The following IL12RB2 variants were observed in gnomAD, a reference collection of about 807,000 sequenced individuals.
IL12RB2 encodes the protein interleukin 12 receptor subunit beta 2, also known as interleukin-12 receptor subunit beta-2.
IL12RB2 carries 82 observed loss-of-function variants against 89.4 expected under a neutral mutation model. The observed-to-expected ratio is 0.92, with a 90% CI of 0.77 to 1.10. The LOEUF (loss-of-function observed/expected upper bound fraction) is 1.10. Among genes scored for constraint, IL12RB2 ranks in the 50% least tolerant of loss-of-function variants. IL12RB2 has a pLI of 0.00. For missense variants in IL12RB2, 963 were observed against 1,031.9 expected (o/e 0.93, Z 0.92); for synonymous variants, 368 against 370.1 (o/e 0.99, Z 0.07).
chr1:67,361,172 A>G (rs964840265), intron 10 of IL12RB2, among the ~76,000 whole-genome samples: 3 of 152,132 alleles, frequency 2.0e-5, no homozygotes, highest in African/African-American at 7.2e-5. Context: ...CCTTTCTACC[A>G]CATTACTAAA....
Position 67,330,788 on chromosome 1 carries a change from G to C in IL12RB2, c.936G>C (p.Leu312Phe). The change falls in exon 8 of 17, where the codon TTG becomes TTC. Residue 312 changes from leucine to phenylalanine, a missense_variant. By Grantham distance (22) the Leu-to-Phe change is conservative. Transcript: ENST00000674203. ...KGSWSDWSES[L>F]RAQTPEEEPT... is the part of the protein sequence containing the mutation. Reference sequence around the variant, plus strand: ...GTTGGAGTGATTGGAGTGAATCATTGAGAGCACAAACACCAGAAGAAGGTA... The same window carrying C: ...GTTGGAGTGATTGGAGTGAATCATTCAGAGCACAAACACCAGAAGAAGGTA... The C allele has an allele frequency of 6.3e-7, 1 of 1,577,988 alleles. No homozygotes were observed.
chr1:67,318,856 A>G (rs900435299), intron 2 of IL12RB2, among the ~76,000 whole-genome samples: 11 of 152,122 alleles, frequency 7.2e-5, no homozygotes, highest in Non-Finnish European at 1.3e-4. Context: ...CTAGGGGACC[A>G]GGTGAAATCC....
At chr1:67,362,335 G>A (rs1334147928) in intron 10 of IL12RB2, among the ~76,000 whole-genome samples, 2 of 151,178 alleles carry the variant, frequency 1.3e-5, no homozygotes, top group Non-Finnish European at 2.9e-5. Context: ...GGGAGGCCGA[G>A]GCGGGTGGAT....
intron 8 of IL12RB2, among the ~76,000 whole-genome samples, chr1:67,334,930 T>G (rs1453385350): frequency 1.3e-5 from 2 of 152,216 alleles, no homozygotes; most frequent in African/African-American, 4.8e-5. Flanking sequence ...TGTGTCTTTT[T>G]GCTTGAGGCT....
chr1:67,316,140 C>T (rs1655727862), intron 2 of IL12RB2, among the ~76,000 whole-genome samples: 1 of 152,080 alleles, frequency 6.6e-6, no homozygotes, highest in Non-Finnish European at 1.5e-5. Flanking sequence ...GGCCTCTGCC[C>T]CTGAGGAGCT....
rs187860228 is a variant in IL12RB2, at chr1:67,328,710, G to A, written c.664+326G>A. Reference sequence around the variant, plus strand: ...TGTGAGGTCATTCAAGATGCTCAGTGCAAGCCCTTCTTGGAGGAGGTGTCC... The same window carrying A: ...TGTGAGGTCATTCAAGATGCTCAGTACAAGCCCTTCTTGGAGGAGGTGTCC... On this transcript the variant is annotated intron_variant, in intron 6 of 16. Transcript: ENST00000674203. Among the ~76,000 whole-genome samples the A allele has an allele frequency of 5.9e-5, 9 of 152,328 alleles. No homozygotes were observed. The East Asian group carries it at 1.5e-3, about 26-fold the overall frequency.
At chr1:67,391,777 C>T (rs972790500) in intron 16 of IL12RB2, among the ~76,000 whole-genome samples, 5 of 151,910 alleles carry the variant, frequency 3.3e-5, no homozygotes, top group Admixed American at 6.6e-5. Flanking sequence ...GCTAGGACTA[C>T]AGGCGCCCGC....
chr1:67,353,897 T>C (rs1661098662), intron 10 of IL12RB2, among the ~76,000 whole-genome samples: 1 of 152,246 alleles, frequency 6.6e-6, no homozygotes, highest in Non-Finnish European at 1.5e-5. Context: ...ATGGTCCCAT[T>C]CCAGGTTCCT....
In IL12RB2 at chr1:67,329,701, G is replaced by A. The variant is rs771299847; in HGVS notation, c.779G>A (p.Arg260Gln). 1.4e-5 allele frequency: 22 copies of A among 1,607,368 alleles called. No homozygotes were observed. The highest frequency in any genetic ancestry group is 1.5e-5 in the Non-Finnish European group (18 of 1,174,020). Residue 260 changes from arginine (R) to glutamine (Q), a missense_variant, in exon 7 of 17, where the codon CGG (arginine) becomes CAG (glutamine). Arg to Gln is a conservative substitution (Grantham distance 43). Coordinates refer to ENST00000674203, the MANE Select transcript of IL12RB2 (RefSeq NM_001374259.2). Reference sequence around the variant, plus strand: ...GTACTGCTTAATCGACTCAGATATCGGCCCAGTAACAGCAGGCTCTGGAAT... The same window carrying A: ...GTACTGCTTAATCGACTCAGATATCAGCCCAGTAACAGCAGGCTCTGGAAT... The part of the protein sequence containing the change: ...GLVLLNRLRY[R>Q]PSNSRLWNMV...
At position 67,341,294 on chromosome 1, in the gene IL12RB2, C is replaced by T. The variant is rs565846203; in HGVS notation, c.1038+2591C>T. 2.6e-4 allele frequency among the ~76,000 whole-genome samples: 40 copies of T among 152,166 alleles called. No homozygotes were observed. The South Asian group carries it at 8.3e-3, about 32-fold the overall frequency. On this transcript the variant is annotated intron_variant, in intron 9 of 16. Coordinates refer to ENST00000674203, the MANE Select transcript of IL12RB2 (RefSeq NM_001374259.2). Reference sequence around the variant, plus strand: ...ATCAGCTGGGTGTGGTGATGCCCACCTGTAATCTCAGCTACTTGGGAGACT... The same window carrying T: ...ATCAGCTGGGTGTGGTGATGCCCACTTGTAATCTCAGCTACTTGGGAGACT...
intron 10 of IL12RB2, among the ~76,000 whole-genome samples, chr1:67,361,157 C>T (rs528968663): frequency 2.4e-4 from 36 of 152,190 alleles, no homozygotes; most frequent in African/African-American, 7.5e-4. Flanking sequence ...TTCTTTCCCC[C>T]GACACCTTTC....
At chr1:67,347,064 T>C (rs1569949038) in intron 9 of IL12RB2, among the ~76,000 whole-genome samples, 1 of 152,196 alleles carries the variant, frequency 6.6e-6, no homozygotes, top group South Asian at 2.1e-4. Context: ...AGTATCCTTA[T>C]TTTATAAATA....
chr1:67,391,245 T>C (rs1158332163), intron 16 of IL12RB2, among the ~76,000 whole-genome samples: 2 of 152,000 alleles, frequency 1.3e-5, no homozygotes, highest in African/African-American at 2.4e-5. Context: ...ACATGGGTCA[T>C]ATAAGACAAA....
chr1:67,390,251 C>T (rs1232284346), intron 16 of IL12RB2, 123 bp downstream of exon 16: 11 of 684,762 alleles, frequency 1.6e-5, no homozygotes, highest in Admixed American at 4.1e-5. Context: ...AAGTTATTCA[C>T]GCTTGGCTAC....
intron 11 of IL12RB2, among the ~76,000 whole-genome samples, chr1:67,370,726 A>T (rs1284400844): frequency 6.6e-6 from 1 of 152,124 alleles, no homozygotes; most frequent in Non-Finnish European, 1.5e-5. Flanking sequence ...GGGAGCAGAT[A>T]TTGTTAGAGA....
Position 67,372,419 on chromosome 1 carries a change from T to G in IL12RB2, c.1460-17T>G. ...AGTAATGGCACGGCTGTTATGGGAA[T>G]TCCCTTTTCCTTGCAGAGAACATAA... On this transcript the variant is annotated splice_polypyrimidine_tract_variant and intron_variant, in intron 11 of 16. Coordinates refer to ENST00000674203, the MANE Select transcript of IL12RB2 (RefSeq NM_001374259.2). 1 of 1,353,762 alleles carries G rather than the reference T, an allele frequency of 7.4e-7. No homozygotes were observed. The highest frequency in any genetic ancestry group is 1.1e-6 in the Non-Finnish European group (1 of 942,046). 83.9% of individuals were successfully genotyped at this position (1,353,762 alleles called of 1,614,324 possible).
chr1:67,328,476 G>A (rs750282496), intron 6 of IL12RB2, 92 bp downstream of exon 6: 51 of 1,593,420 alleles, frequency 3.2e-5, no homozygotes, highest in Non-Finnish European at 4.3e-5. Context: ...GAAAGACAGA[G>A]ATTGATGGAA....
intron 11 of IL12RB2, among the ~76,000 whole-genome samples, chr1:67,368,912 T>C (rs1390404302): frequency 1.3e-5 from 2 of 152,254 alleles, no homozygotes; most frequent in African/African-American, 2.4e-5. Context: ...CTCAGTAATT[T>C]AGCTCTCATC....
intron 16 of IL12RB2, 125 bp from the exon 17 acceptor site, chr1:67,395,422 C>G (rs185114839): frequency 1.3e-6 from 2 of 1,582,892 alleles, no homozygotes; most frequent in East Asian, 2.2e-5. Flanking sequence ...ACTCCAGTGC[C>G]CAACATGTTC....
Sources: allele counts gnomAD v4.1 joint callset (sites outside exome capture counted in the v4.1 genomes callset), GRCh38; gene constraint gnomAD v4.1.1; transcripts MANE v1.5; gene names NCBI Gene and HGNC (gene_info 2026-07-23, HGNC 2026-07-21).